The following SCLT1 variants were observed in gnomAD, a reference collection of about 807,000 sequenced individuals.
SCLT1 encodes sodium channel and clathrin linker 1, also known as sodium channel-associated protein 1.
Under a neutral mutation model 112.8 loss-of-function variants are expected in SCLT1, and 78 were observed. The observed-to-expected ratio is 0.69, with a 90% CI of 0.58 to 0.83. SCLT1 has a LOEUF of 0.83. Ranked by LOEUF, SCLT1 falls within the 40% of genes least tolerant of loss-of-function variation. The probability of loss-of-function intolerance (pLI) is 0.00; values close to 1 mark genes in which losing one functional copy is unlikely to be tolerated. For synonymous variants in SCLT1, 257 were observed against 254.7 expected (o/e 1.01, Z -0.09); for missense variants, 747 against 770.4 (o/e 0.97, Z 0.36).
At chr4:129,017,202 GA>G (rs1745069993) in intron 5 of SCLT1, among the ~76,000 whole-genome samples, 1 of 151,624 alleles carries the variant, frequency 6.6e-6, no homozygotes, top group South Asian at 2.1e-4. Flanking sequence ...TGTGGGGGGG[GA>G]ATTTGTATGT....
Position 128,981,026 on chromosome 4 carries a change from T to C in SCLT1, c.687-10558A>G, listed in dbSNP as rs572848619. ...ACTGACTCACTCACTCAAAAAGTATTTTTTTGAGCACCTGCCATATGTCTA... is the reference window on the plus strand; with the variant it reads ...ACTGACTCACTCACTCAAAAAGTATCTTTTTGAGCACCTGCCATATGTCTA... On this transcript the variant is annotated intron_variant, in intron 9 of 20. Coordinates refer to ENST00000281142, the MANE Select transcript of SCLT1 (RefSeq NM_144643.4). Among the ~76,000 whole-genome samples, 6 of 152,288 alleles carry C rather than the reference T, an allele frequency of 3.9e-5. No homozygotes were observed. The East Asian group carries it at 1.2e-3, about 29-fold the overall frequency.
chr4:128,879,963 A>G (rs13139971), downstream of SCLT1, among the ~76,000 whole-genome samples: 30,310 of 152,196 alleles, frequency 0.2, 3,216 homozygotes, highest in Middle Eastern at 0.32. Flanking sequence ...GAAAACTTCC[A>G]TAATGCCTTA....
chr4:129,009,884 C>A (rs538598391), intron 5 of SCLT1, among the ~76,000 whole-genome samples: 9 of 152,278 alleles, frequency 5.9e-5, no homozygotes, highest in Admixed American at 5.9e-4. Context: ...AATGTTCCCC[C>A]ACTTTGTATG....
At chr4:128,994,961 T>G (rs1016647912) in intron 8 of SCLT1, among the ~76,000 whole-genome samples, 1 of 152,164 alleles carries the variant, frequency 6.6e-6, no homozygotes, top group Non-Finnish European at 1.5e-5. Flanking sequence ...AAATATTTTG[T>G]CCCATTCCAT....
chr4:128,936,900 C>A (rs556331778), intron 17 of SCLT1, 49 bp from the exon 18 acceptor site: 3 of 804,628 alleles, frequency 3.7e-6, no homozygotes, highest in African/African-American at 1.8e-5. Context: ...CTTATAGGTG[C>A]TATACAGATC....
intron 16 of SCLT1, chr4:128,944,847 T>C (rs2125991604): frequency 6.6e-6 from 1 of 152,262 alleles, no homozygotes; most frequent in South Asian, 2.1e-4. Context: ...AAAGAATGCA[T>C]GGGAGCCTTT....
At chr4:128,925,067 A>C (rs899651212) in intron 18 of SCLT1, among the ~76,000 whole-genome samples, 3 of 152,090 alleles carry the variant, frequency 2.0e-5, no homozygotes, top group African/African-American at 7.2e-5. Flanking sequence ...TTAAGACCCG[A>C]GGCCTGCCAA....
At chr4:129,026,273 A>G (rs1746067328) in intron 5 of SCLT1, among the ~76,000 whole-genome samples, 1 of 152,176 alleles carries the variant, frequency 6.6e-6, no homozygotes, top group Non-Finnish European at 1.5e-5. Context: ...CACCACACCT[A>G]TTCCAAAATT....
chr4:128,900,064 T>A (rs917071701), intron 18 of SCLT1, among the ~76,000 whole-genome samples: 1 of 152,108 alleles, frequency 6.6e-6, no homozygotes, highest in Non-Finnish European at 1.5e-5. Context: ...CACGCATGGG[T>A]AGGAAGAATC....
intron 9 of SCLT1, among the ~76,000 whole-genome samples, chr4:128,989,936 C>G (rs1742418271): frequency 7.6e-6 from 1 of 131,628 alleles, no homozygotes; most frequent in Non-Finnish European, 1.7e-5. Flanking sequence ...CAATAACAAA[C>G]AAGGAGATAG....
chr4:129,066,247 T>C (rs977561329), intron 2 of SCLT1, among the ~76,000 whole-genome samples: 1 of 152,028 alleles, frequency 6.6e-6, no homozygotes, highest in Admixed American at 6.5e-5. Context: ...GTTTACTATG[T>C]TTTAATGACC....
In SCLT1 at chr4:128,989,811, T is replaced by C. The variant is rs555475524; in HGVS notation, c.686+2356A>G. Among the ~76,000 whole-genome samples the C allele has an allele frequency of 2.0e-5, 3 of 151,820 alleles. No individual in the cohort carries two copies. The South Asian group carries it at 6.2e-4, about 32-fold the overall frequency. ...AAAAATTCAAAATATCATAAGAAAC[T>C]ATTATGAGCAACTATATGCCAATAA... On this transcript the variant is annotated intron_variant, in intron 9 of 20. Coordinates refer to ENST00000281142, the MANE Select transcript of SCLT1 (RefSeq NM_144643.4).
chr4:128,892,432 T>C (rs1733401176), intron 18 of SCLT1, among the ~76,000 whole-genome samples: 1 of 152,218 alleles, frequency 6.6e-6, no homozygotes, highest in Non-Finnish European at 1.5e-5. Flanking sequence ...AAATCCTTGA[T>C]TCAGTATTGG....
At chr4:129,015,909 G>T (rs1744950753) in intron 5 of SCLT1, among the ~76,000 whole-genome samples, 1 of 152,102 alleles carries the variant, frequency 6.6e-6, no homozygotes, top group South Asian at 2.1e-4. Flanking sequence ...AGTGGCAGCT[G>T]CTCCACCTAG....
At chr4:129,083,105 A>C (rs112366144) in intron 1 of SCLT1, among the ~76,000 whole-genome samples, 2,140 of 150,464 alleles carry the variant, frequency 0.014, 44 homozygotes, top group African/African-American at 0.044. Context: ...GCAGGAGAAT[A>C]ACTTGTACCC....
At position 128,948,518 on chromosome 4, in the gene SCLT1, G is replaced by A; in HGVS notation, c.1271C>T (p.Ala424Val). 1 of 1,606,720 alleles carries A rather than the reference G, an allele frequency of 6.2e-7. No individual in the cohort carries two copies. Among genetic ancestry groups the A allele is most frequent in the Non-Finnish European group, 8.5e-7 (1 of 1,175,374 alleles). ...QIERVIKEKK[A>V]VEEELEKIYR... ...TACCTTTTCTAGTTCTTCTTCCACT[G>A]CTTTTTTTTCCTTAATGACTCGTTC... The change falls in exon 15 of 21, where the codon GCA (alanine) becomes GTA (valine). Residue 424 changes from alanine to valine, a missense_variant. Ala to Val is a moderately conservative substitution (Grantham distance 64). This residue lies in a region of SCLT1 where 723 missense variants were observed against 721.3 expected (regional missense o/e 1.00). Coordinates refer to ENST00000281142, the MANE Select transcript of SCLT1 (RefSeq NM_144643.4).
rs560071968 is a variant in SCLT1 at position 128,900,544 on chromosome 4, T to C, written c.1830-9407A>G. 3.3e-5 allele frequency among the ~76,000 whole-genome samples: 5 copies of C among 152,320 alleles called. No individual in the cohort carries two copies. In the South Asian group the frequency reaches 8.3e-4, roughly 25 times the overall value. On this transcript the variant is annotated intron_variant, in intron 18 of 20. Transcript: ENST00000281142. ...AATCAATTCAAGATGGATTAAAGAC[T>C]TAAATGTTAGACCTAAAACTATAAA... is the stretch of plus-strand genomic sequence containing the variant.
chr4:128,992,087 T>A, intron 9 of SCLT1, 80 bp downstream of exon 9: 1 of 854,010 alleles, frequency 1.2e-6, no homozygotes, highest in Non-Finnish European at 1.9e-6. Context: ...AAAACACCCA[T>A]GGGGAAAATT....
intron 1 of SCLT1, among the ~76,000 whole-genome samples, chr4:129,090,672 C>T (rs1001482552): frequency 6.6e-6 from 1 of 152,184 alleles, no homozygotes; most frequent in Non-Finnish European, 1.5e-5. Flanking sequence ...AAGTCCATCA[C>T]CACTCTGCCA....
Sources: gnomAD v4.1 joint callset for allele counts (sites outside exome capture counted in the v4.1 genomes callset) on GRCh38, gnomAD v4.1.1 for gene constraint, gnomAD v4.1.1 regional missense constraint, MANE v1.5 for transcripts, NCBI Gene and HGNC (gene_info 2026-07-23, HGNC 2026-07-21) for gene names.